Variants in SLC9A1 observed in about 807,000 individuals in gnomAD.
SLC9A1 encodes the protein sodium/hydrogen exchanger 1.
SLC9A1 carries 22 observed loss-of-function variants against 67.9 expected under a neutral mutation model. The observed-to-expected ratio is 0.32, with a 90% CI of 0.23 to 0.46. The LOEUF (loss-of-function observed/expected upper bound fraction) is 0.46, where lower values mean the gene tolerates loss of function less well. SLC9A1 is among the 20% of genes least tolerant of loss of function. SLC9A1 has a pLI of 1.00. For synonymous variants in SLC9A1, 421 were observed against 471.8 expected, an observed-to-expected ratio of 0.89 and a Z score of 1.40; for missense variants, 686 against 1,094.8, an observed-to-expected ratio of 0.63 and a Z score of 5.27.
chr1:27,133,716 T>C (rs1003956050), intron 1 of SLC9A1, among the ~76,000 whole-genome samples: 6 of 151,720 alleles, frequency 4.0e-5, no homozygotes, highest in Non-Finnish European at 8.8e-5. Context: ...CTTCACTGCC[T>C]GGAAGTCCCT....
In SLC9A1 at chr1:27,106,193, G is replaced by A. The variant is rs980768464; in HGVS notation, c.1283-106C>T. On this transcript the variant is annotated intron_variant, in intron 4 of 11. Transcript: ENST00000263980. This position sits in a 1 kb window ranked among gnomAD's most constrained non-coding sequence, Gnocchi z 4.3. ...TGTGCATCCAGGAAGTCTCCATTAC[G>A]AAGCCCACCCCGCTCACTCAATTCC... is the stretch of plus-strand genomic sequence containing the variant. 5.4e-6 allele frequency: 4 copies of A among 737,112 alleles called. No individual in the cohort carries two copies. The highest frequency in any genetic ancestry group is 2.5e-5 in the Admixed American group (1 of 40,036). 45.7% of individuals were successfully genotyped at this position (737,112 alleles called of 1,614,324 possible).
At chr1:27,103,616 T>C (rs1442118378) in intron 5 of SLC9A1, 1 of 409,100 alleles carries the variant, frequency 2.4e-6, no homozygotes, top group Non-Finnish European at 4.6e-6. Context: ...ACCACAGACT[T>C]GCTCTGCAAC....
intron 5 of SLC9A1, among the ~76,000 whole-genome samples, chr1:27,104,324 C>T (rs1041058846): frequency 4.6e-5 from 7 of 152,158 alleles, no homozygotes; most frequent in East Asian, 1.9e-4. Flanking sequence ...TCAGGCGATC[C>T]GCCTGCCTCG....
rs780212537 is a variant in SLC9A1 at position 27,103,241 on chromosome 1, G to A, written c.1557C>T (p.Asn519=). ...CCAGTACCTGTGTGTGGATCTCTTCGTTGATGGAGCGCTTCGTCTCTTGCT... is the reference window on the plus strand; with the variant it reads ...CCAGTACCTGTGTGTGGATCTCTTCATTGATGGAGCGCTTCGTCTCTTGCT... ...KKKQETKRSI[N]EEIHTQFLDH... is the part of the protein sequence containing the mutation. The change falls in exon 6 of 12, where the codon AAC becomes AAT. Residue 519 remains asparagine (N), a synonymous_variant. Coordinates refer to ENST00000263980, the MANE Select transcript of SLC9A1 (RefSeq NM_003047.5). 35 of 1,613,176 alleles carry A rather than the reference G, an allele frequency of 2.2e-5. No homozygotes were observed. Among genetic ancestry groups the A allele is most frequent in the South Asian group, 1.9e-4 (17 of 91,062 alleles).
rs2083186013 is a variant in SLC9A1, at chr1:27,106,510, C to A, written c.1283-423G>T. ...TGCAGAGGGCTGGGCCCAACCTCCA[C>A]CCACAGAACCAGAATCCCTGGAGGA... On this transcript the variant is annotated intron_variant, in intron 4 of 11. Coordinates refer to ENST00000263980, the MANE Select transcript of SLC9A1 (RefSeq NM_003047.5). This position sits in a 1 kb window ranked among gnomAD's most constrained non-coding sequence, Gnocchi z 4.3. Among the ~76,000 whole-genome samples the A allele has an allele frequency of 6.6e-6, 1 of 152,112 alleles. No individual in the cohort carries two copies. Among genetic ancestry groups the A allele is most frequent in the South Asian group, 2.1e-4 (1 of 4,830 alleles).
intron 1 of SLC9A1, among the ~76,000 whole-genome samples, chr1:27,151,340 A>G (rs1329012323): frequency 1.3e-5 from 2 of 152,120 alleles, no homozygotes; most frequent in African/African-American, 2.4e-5. Flanking sequence ...ACTGGATACT[A>G]TTAGTTCCCA....
At chr1:27,103,114 A>G (rs1254379402) in intron 6 of SLC9A1, 109 bp downstream of exon 6, 1 of 839,648 alleles carries the variant, frequency 1.2e-6, no homozygotes, top group African/African-American at 1.7e-5. Context: ...GCCCCTGGGC[A>G]CTGGCACAGG....
chr1:27,135,612 TCACAGATTATTTCATTTAATTCTCACAAA>T lies in SLC9A1; in HGVS notation c.352+18342_352+18370del, dbSNP rs549058975. 4.1e-3 allele frequency among the ~76,000 whole-genome samples: 623 copies of T among 151,446 alleles called. 4 individuals carry two copies. The highest frequency in any genetic ancestry group is 0.014 in the African/African-American group (590 of 41,262). On this transcript the variant is annotated intron_variant, in intron 1 of 11. Coordinates refer to ENST00000263980, the MANE Select transcript of SLC9A1 (RefSeq NM_003047.5). ...AAATTCAGTACTAAACACTTTACTG[TCACAGATTATTTCATTTAATTCTCACAAA>T]ACCCTACGGAGTACAAGAATGCTCA...
At chr1:27,153,896 C>G in intron 1 of SLC9A1, 87 bp downstream of exon 1, 1 of 891,490 alleles carries the variant, frequency 1.1e-6, no homozygotes, top group Non-Finnish European at 1.8e-6. Flanking sequence ...CAGATCCTTA[C>G]TCCTGGACAG....
rs1033973643 is a variant in SLC9A1 at position 27,114,437 on chromosome 1, G to A, written c.353-151C>T. The A allele has an allele frequency of 1.8e-5, 11 of 626,810 alleles. No homozygotes were observed. Among genetic ancestry groups the A allele is most frequent in the African/African-American group, 3.7e-5 (2 of 54,202 alleles). 38.8% of individuals were successfully genotyped at this position (626,810 alleles called of 1,614,324 possible). Reference sequence around the variant, plus strand: ...TGCTCTGTTAACTCTCTGAGCCTCCGCTTCCTCGCCTGTAAAATGGAAGGG... The same window carrying A: ...TGCTCTGTTAACTCTCTGAGCCTCCACTTCCTCGCCTGTAAAATGGAAGGG... On this transcript the variant is annotated intron_variant, in intron 1 of 11. Coordinates refer to ENST00000263980, the MANE Select transcript of SLC9A1 (RefSeq NM_003047.5). The surrounding 1 kb of genome is among the most constrained non-coding windows in gnomAD (Gnocchi z 5.4).
chr1:27,143,683 G>T (rs1348011953), intron 1 of SLC9A1, among the ~76,000 whole-genome samples: 1 of 152,158 alleles, frequency 6.6e-6, no homozygotes, highest in South Asian at 2.1e-4. Flanking sequence ...AGATGAAATC[G>T]ACAGATAGGG....
chr1:27,104,271 A>T (rs1211619202), intron 5 of SLC9A1, among the ~76,000 whole-genome samples: 5 of 152,050 alleles, frequency 3.3e-5, no homozygotes, highest in Non-Finnish European at 7.4e-5. Context: ...TAGTAGAAAC[A>T]GGGTTTCACC....
At chr1:27,133,479 A>G (rs1462311421) in intron 1 of SLC9A1, among the ~76,000 whole-genome samples, 3 of 152,198 alleles carry the variant, frequency 2.0e-5, no homozygotes, top group Non-Finnish European at 4.4e-5. Flanking sequence ...GAAGAAGTGT[A>G]AGAGACTACT....
In SLC9A1 at chr1:27,114,372, C is replaced by T. The variant is rs890864989; in HGVS notation, c.353-86G>A. The stretch of plus-strand genomic sequence containing the variant: ...TTGGGGATGGGCCGGGGATGAGGAG[C>T]GCAGTTGGTGAGAGGTGCACAGGCT... On this transcript the variant is annotated intron_variant, in intron 1 of 11. Coordinates refer to ENST00000263980, the MANE Select transcript of SLC9A1 (RefSeq NM_003047.5). This position sits in a 1 kb window ranked among gnomAD's most constrained non-coding sequence, Gnocchi z 5.4. 2.1e-5 allele frequency: 23 copies of T among 1,104,870 alleles called. No homozygotes were observed. The highest frequency in any genetic ancestry group is 1.2e-4 in the Admixed American group (5 of 43,466). 68.4% of individuals were successfully genotyped at this position (1,104,870 alleles called of 1,614,324 possible).
chr1:27,140,142 C>T (rs1223154834), intron 1 of SLC9A1, among the ~76,000 whole-genome samples: 1 of 151,962 alleles, frequency 6.6e-6, no homozygotes, highest in Non-Finnish European at 1.5e-5. Context: ...TCTGGGAAGC[C>T]TTTCCTGACC....
rs2083287557 is a variant in SLC9A1 at position 27,118,741 on chromosome 1, A to G, written c.353-4455T>C. On this transcript the variant is annotated intron_variant, in intron 1 of 11. Coordinates refer to ENST00000263980, the MANE Select transcript of SLC9A1 (RefSeq NM_003047.5). The surrounding 1 kb of genome is among the most constrained non-coding windows in gnomAD (Gnocchi z 4.3). Reference sequence around the variant, plus strand: ...GTAAGAGCTGGAATGGATCTTGGAGAGCATCTAAATTCTCCATTATATAGT... The same window carrying G: ...GTAAGAGCTGGAATGGATCTTGGAGGGCATCTAAATTCTCCATTATATAGT... Among the ~76,000 whole-genome samples, 2 of 152,078 alleles carry G rather than the reference A, an allele frequency of 1.3e-5. No individual in the cohort carries two copies. Among genetic ancestry groups the G allele is most frequent in the Non-Finnish European group, 2.9e-5 (2 of 68,020 alleles).
intron 1 of SLC9A1, among the ~76,000 whole-genome samples, chr1:27,130,724 G>A (rs780391144): frequency 1.3e-5 from 2 of 152,218 alleles, no homozygotes; most frequent in Non-Finnish European, 2.9e-5. Flanking sequence ...GAGAAATTGA[G>A]GCTCAGAGCT....
At chr1:27,131,947 A>AAAAAAAAAATATATAT in intron 1 of SLC9A1, among the ~76,000 whole-genome samples, 9 of 52,120 alleles carry the variant, frequency 1.7e-4, no homozygotes, top group African/African-American at 5.1e-4. Context: ...AGAAAAAAAA[A>AAAAAAAAAATATATAT]ATATATATAT....
intron 2 of SLC9A1, among the ~76,000 whole-genome samples, chr1:27,113,514 A>G (rs1329537242): frequency 6.6e-6 from 1 of 152,134 alleles, no homozygotes; most frequent in African/African-American, 2.4e-5. Context: ...CAAAACCAAG[A>G]GCTTAGGCCC....
Sources: gnomAD v4.1 joint callset for allele counts (sites outside exome capture counted in the v4.1 genomes callset) on GRCh38, gnomAD v4.1.1 for gene constraint, Gnocchi (gnomAD v3.1) non-coding constraint, MANE v1.5 for transcripts, NCBI Gene and HGNC (gene_info 2026-07-23, HGNC 2026-07-21) for gene names.